The following RABGAP1L variants were observed in gnomAD, a reference collection of about 807,000 sequenced individuals.
RABGAP1L encodes RAB GTPase activating protein 1 like.
In RABGAP1L, 63 loss-of-function variants were observed where a neutral mutation model predicts 137.7. The ratio of observed to expected loss-of-function variants is 0.46; its 90% CI spans 0.37 to 0.56. The LOEUF (loss-of-function observed/expected upper bound fraction) is 0.56, where lower values mean the gene tolerates loss of function less well. Ranked by LOEUF, RABGAP1L falls within the 20% of genes least tolerant of loss-of-function variation. The pLI is 0.00. For missense variants in RABGAP1L, 1,095 were observed against 1,244.0 expected (o/e 0.88, Z 1.80); for synonymous variants, 431 against 433.7 (o/e 0.99, Z 0.08).
At chr1:174,165,536 G>A (rs1355853114) in intron 1 of RABGAP1L, among the ~76,000 whole-genome samples, 1 of 149,194 alleles carries the variant, frequency 6.7e-6, no homozygotes, top group Non-Finnish European at 1.5e-5. Context: ...TCTCACTCCC[G>A]TTACTCAAAC....
chr1:174,573,020 T>G (rs1410763289), intron 13 of RABGAP1L, among the ~76,000 whole-genome samples: 1 of 150,108 alleles, frequency 6.7e-6, no homozygotes, highest in African/African-American at 2.5e-5. Flanking sequence ...GCCAAAGTCA[T>G]TTATCTAGTT....
intron 13 of RABGAP1L, among the ~76,000 whole-genome samples, chr1:174,525,789 T>C (rs1418564150): frequency 6.6e-6 from 1 of 152,160 alleles, no homozygotes; most frequent in Non-Finnish European, 1.5e-5. Context: ...TGGTCTTTAT[T>C]ATTTTGAGGT....
At chr1:174,987,561 C>A (rs1671702135) in intron 24 of RABGAP1L, among the ~76,000 whole-genome samples, 1 of 152,100 alleles carries the variant, frequency 6.6e-6, no homozygotes, top group South Asian at 2.1e-4. Context: ...TGGAGACATG[C>A]CCAGTGGCAC....
At chr1:174,563,450 T>C (rs1667360039) in intron 13 of RABGAP1L, among the ~76,000 whole-genome samples, 1 of 152,206 alleles carries the variant, frequency 6.6e-6, no homozygotes, top group Admixed American at 6.5e-5. Context: ...TTTTCTGTCA[T>C]CTAAGGCAAG....
intron 12 of RABGAP1L, among the ~76,000 whole-genome samples, chr1:174,376,743 C>A (rs1258787726): frequency 6.6e-6 from 1 of 152,070 alleles, no homozygotes; most frequent in East Asian, 1.9e-4. Flanking sequence ...TATGAAAAAC[C>A]TGCAGCTAAC....
intron 1 of RABGAP1L, among the ~76,000 whole-genome samples, chr1:174,166,728 T>G (rs1410485966): frequency 1.3e-5 from 2 of 152,236 alleles, no homozygotes; most frequent in African/African-American, 4.8e-5. Flanking sequence ...AATTAAATAG[T>G]GTGTAGTCGA....
intron 19 of RABGAP1L, among the ~76,000 whole-genome samples, chr1:174,816,203 AGTGCAATG>A (rs1690385722): frequency 8.3e-6 from 1 of 121,030 alleles, no homozygotes; most frequent in Non-Finnish European, 1.6e-5. Flanking sequence ...CCCAGGCTGG[AGTGCAATG>A]GTGCCATCTC....
chr1:174,477,113 A>G (rs1488316566), intron 13 of RABGAP1L, among the ~76,000 whole-genome samples: 3 of 152,192 alleles, frequency 2.0e-5, no homozygotes, highest in African/African-American at 7.2e-5. Flanking sequence ...AAAGTTATGC[A>G]TGTAATCTCA....
chr1:174,769,684 G>A (rs1685960725), intron 18 of RABGAP1L, among the ~76,000 whole-genome samples: 1 of 152,066 alleles, frequency 6.6e-6, no homozygotes, highest in Non-Finnish European at 1.5e-5. Flanking sequence ...GAGGGGAGTT[G>A]GCTAGATGAG....
chr1:174,357,644 A>T (rs1458052479), intron 11 of RABGAP1L, among the ~76,000 whole-genome samples: 3 of 152,298 alleles, frequency 2.0e-5, no homozygotes, highest in East Asian at 1.9e-4. Context: ...AAAAGGAAGG[A>T]CTGGCCAGTT....
chr1:174,231,292 C>A lies in RABGAP1L; in HGVS notation c.479C>A (p.Ser160Tyr). ...EALRAMATMK[S>Y]SSQYPFPVTL... The stretch of plus-strand genomic sequence containing the variant: ...TTACGGGCAATGGCAACCATGAAAT[C>A]TTCCAGTCAATACCCCTTTCCTGTT... Residue 160 changes from serine to tyrosine, a missense_variant, in exon 4 of 26, where the codon TCT (serine) becomes TAT (tyrosine). By Grantham distance (144) the Ser-to-Tyr change is moderately radical. Transcript: ENST00000681986. The A allele has an allele frequency of 6.2e-7, 1 of 1,614,180 alleles. No individual in the cohort carries two copies. The highest frequency in any genetic ancestry group is 8.5e-7 in the Non-Finnish European group (1 of 1,180,026).
chr1:174,732,156 G>A (rs1682527815), intron 17 of RABGAP1L, among the ~76,000 whole-genome samples: 1 of 150,720 alleles, frequency 6.6e-6, no homozygotes, highest in South Asian at 2.1e-4. Flanking sequence ...CCGAGATTGC[G>A]CCACTGCATT....
chr1:174,533,923 C>T (rs1664657158), intron 13 of RABGAP1L, among the ~76,000 whole-genome samples: 1 of 152,128 alleles, frequency 6.6e-6, no homozygotes, highest in Admixed American at 6.5e-5. Context: ...CCACTCGCCT[C>T]GGCCTCCCAA....
chr1:174,484,640 T>C lies in RABGAP1L; in HGVS notation c.1710+90495T>C, dbSNP rs1659456502. Among the ~76,000 whole-genome samples, 3 of 152,352 alleles carry C rather than the reference T, an allele frequency of 2.0e-5. 1 individual carries two copies. In the South Asian group the frequency reaches 6.2e-4, roughly 32 times the overall value. On this transcript the variant is annotated intron_variant, in intron 13 of 25. Coordinates refer to ENST00000681986, the MANE Select transcript of RABGAP1L (RefSeq NM_001366446.1). ...AATCAGTTTTCCCAACAACATTTAT[T>C]GAAGAGACTGTCCTTTCCCCAATGT...
At chr1:174,378,056 A>G (rs1571500501) in intron 12 of RABGAP1L, among the ~76,000 whole-genome samples, 1 of 145,232 alleles carries the variant, frequency 6.9e-6, no homozygotes, top group East Asian at 2.0e-4. Context: ...TGTTCTTGCG[A>G]TAGTTTACTG....
At chr1:174,490,027 A>G (rs895811200) in intron 13 of RABGAP1L, among the ~76,000 whole-genome samples, 1 of 152,026 alleles carries the variant, frequency 6.6e-6, no homozygotes, top group Non-Finnish European at 1.5e-5. Context: ...CAAAACAGGT[A>G]TTTTGAATTC....
intron 4 of RABGAP1L, among the ~76,000 whole-genome samples, chr1:174,240,653 T>A (rs2148554225): frequency 1.3e-5 from 2 of 152,360 alleles, no homozygotes; most frequent in East Asian, 3.9e-4. Context: ...TGGAACCACC[T>A]GACCTTTTCT....
intron 11 of RABGAP1L, among the ~76,000 whole-genome samples, chr1:174,363,843 C>A: frequency 8.6e-6 from 1 of 116,240 alleles, no homozygotes; most frequent in Non-Finnish European, 2.0e-5. Context: ...TATGATGGAT[C>A]ACATTGATTT....
At chr1:174,644,073 T>A (rs1674756755) in intron 14 of RABGAP1L, among the ~76,000 whole-genome samples, 1 of 152,000 alleles carries the variant, frequency 6.6e-6, no homozygotes, top group Non-Finnish European at 1.5e-5. Context: ...GGGGGTTTTT[T>A]TGGTCCTCTT....
Sources: allele counts gnomAD v4.1 joint callset (sites outside exome capture counted in the v4.1 genomes callset), GRCh38; gene constraint gnomAD v4.1.1; transcripts MANE v1.5; gene names NCBI Gene and HGNC (gene_info 2026-07-23, HGNC 2026-07-21).